Variants in OPRD1 observed in about 807,000 individuals in gnomAD.
OPRD1 encodes delta-type opioid receptor.
In OPRD1, 19 loss-of-function variants were observed where a neutral mutation model predicts 17.5. The ratio of observed to expected loss-of-function variants is 1.09; its 90% CI spans 0.76 to 1.60. OPRD1 has a LOEUF of 1.60. Ranked by LOEUF, OPRD1 falls within the 40% of genes most tolerant of loss-of-function variation. The probability of loss-of-function intolerance (pLI) is 0.00; values close to 1 mark genes in which losing one functional copy is unlikely to be tolerated. For missense variants in OPRD1, 483 were observed against 547.2 expected (o/e 0.88, Z 1.17); for synonymous variants, 256 against 240.9 (o/e 1.06, Z -0.58).
chr1:28,833,528 G>A (rs757277351), intron 1 of OPRD1, among the ~76,000 whole-genome samples: 1 of 152,198 alleles, frequency 6.6e-6, no homozygotes, highest in Non-Finnish European at 1.5e-5. Flanking sequence ...CCTTTGAACT[G>A]ATTGGAAAAG....
rs1213310282 is a variant in OPRD1 at position 28,852,202 on chromosome 1, AAAG to A, written c.228-6749_228-6747del. On this transcript the variant is annotated intron_variant, in intron 1 of 2. Coordinates refer to ENST00000234961, the MANE Select transcript of OPRD1 (RefSeq NM_000911.4). ...AAAAAAAAAAGAAAAGAAAGAAAGA[AAAG>A]AAAGTGGGGAGGAAAGGTCCAGGAC... Among the ~76,000 whole-genome samples, 503 of 151,710 alleles carry A rather than the reference AAAG, an allele frequency of 3.3e-3. 8 individuals carry two copies. The highest frequency in any genetic ancestry group is 0.012 in the African/African-American group (481 of 41,408).
intron 1 of OPRD1, among the ~76,000 whole-genome samples, chr1:28,818,919 A>G (rs2088690921): frequency 6.6e-6 from 1 of 151,792 alleles, no homozygotes; most frequent in African/African-American, 2.4e-5. Flanking sequence ...TCCCATGGTA[A>G]GGTTGGCGTG....
In OPRD1 at chr1:28,865,129, A is replaced by G. The variant is rs2089165426; in HGVS notation, c.*1846A>G. On this transcript the variant is annotated 3_prime_UTR_variant, in exon 3 of 3. Transcript: ENST00000234961. Reference sequence around the variant, plus strand: ...CGGCATTTTATTCAGGCACTCCTGGATCTTTGCTTCCCAGAATATCAGTGT... The same window carrying G: ...CGGCATTTTATTCAGGCACTCCTGGGTCTTTGCTTCCCAGAATATCAGTGT... 6.6e-6 allele frequency: 1 copy of G among 151,926 alleles called. No individual in the cohort carries two copies. The highest frequency in any genetic ancestry group is 1.5e-5 in the Non-Finnish European group (1 of 68,036). The allele number at this position is 151,926 out of a possible 1,614,324, so 9.4% of individuals were successfully genotyped here.
At chr1:28,833,374 C>A (rs1569620663) in intron 1 of OPRD1, among the ~76,000 whole-genome samples, 1 of 152,292 alleles carries the variant, frequency 6.6e-6, no homozygotes, top group African/African-American at 2.4e-5. Context: ...AGAGAAAAAG[C>A]ACCAGTAGGA....
chr1:28,823,600 T>C (rs941705119), intron 1 of OPRD1, among the ~76,000 whole-genome samples: 5 of 152,004 alleles, frequency 3.3e-5, no homozygotes, highest in African/African-American at 1.2e-4. Context: ...TTCACCATGT[T>C]GGCCGGGCTG....
intron 1 of OPRD1, among the ~76,000 whole-genome samples, chr1:28,833,938 C>T (rs1013299652): frequency 5.3e-5 from 8 of 152,130 alleles, no homozygotes; most frequent in Admixed American, 3.3e-4. Context: ...AACCAGTGTT[C>T]TGTTTTTTTG....
intron 1 of OPRD1, among the ~76,000 whole-genome samples, chr1:28,856,596 C>T (rs541452802): frequency 2.0e-5 from 3 of 152,272 alleles, no homozygotes; most frequent in Non-Finnish European, 2.9e-5. Context: ...TCGGGGTGCC[C>T]GTGTGTTGCT....
chr1:28,858,876 G>A (rs1288030361), intron 1 of OPRD1, 78 bp from the exon 2 acceptor site: 2 of 1,384,572 alleles, frequency 1.4e-6, no homozygotes, highest in Non-Finnish European at 2.0e-6. Context: ...CCTTAGGAAA[G>A]CTACTTCCCT....
intron 1 of OPRD1, among the ~76,000 whole-genome samples, chr1:28,826,701 G>T (rs1250325209): frequency 1.3e-5 from 2 of 152,226 alleles, no homozygotes; most frequent in South Asian, 2.1e-4. Context: ...CCTCAATATT[G>T]ATGGCTGCTG....
rs1188990244 is a variant in OPRD1, at chr1:28,812,481, A to G, written c.98A>G (p.Asn33Ser). 4 of 1,546,310 alleles carry G rather than the reference A, an allele frequency of 2.6e-6. No homozygotes were observed. The highest frequency in any genetic ancestry group is 2.8e-5 in the African/African-American group (2 of 71,054). The part of the protein sequence containing the change: ...YPSACPSAGA[N>S]ASGPPGARSA... ...AGCGCCTGCCCCAGCGCTGGCGCCA[A>G]TGCGTCGGGGCCGCCAGGCGCGCGG... is the stretch of plus-strand genomic sequence containing the variant. The change falls in exon 1 of 3, where the codon AAT (asparagine) becomes AGT (serine). Residue 33 changes from asparagine (N) to serine (S), a missense_variant. By Grantham distance (46) the Asn-to-Ser change is conservative. Coordinates refer to ENST00000234961, the MANE Select transcript of OPRD1 (RefSeq NM_000911.4).
intron 1 of OPRD1, among the ~76,000 whole-genome samples, chr1:28,848,244 TA>T (rs11350728): frequency 0.48 from 71,412 of 148,464 alleles, 18,391 homozygotes; most frequent in East Asian, 0.87. Context: ...AGACTCCGTC[TA>T]AAAAAAAAAA....
At chr1:28,850,092 G>A (rs1305910992) in intron 1 of OPRD1, among the ~76,000 whole-genome samples, 2 of 152,046 alleles carry the variant, frequency 1.3e-5, no homozygotes, top group African/African-American at 4.8e-5. Context: ...GTGTTAGTCA[G>A]GATGGTCTCA....
intron 1 of OPRD1, among the ~76,000 whole-genome samples, chr1:28,844,887 G>A (rs1205166533): frequency 6.6e-6 from 1 of 151,964 alleles, no homozygotes; most frequent in Non-Finnish European, 1.5e-5. Context: ...TGGGATTACA[G>A]GTGTGCACTA....
At chr1:28,816,910 T>C (rs2088675543) in intron 1 of OPRD1, among the ~76,000 whole-genome samples, 1 of 152,118 alleles carries the variant, frequency 6.6e-6, no homozygotes, top group African/African-American at 2.4e-5. Context: ...TCCTCCCGCC[T>C]GGCCCAGATC....
chr1:28,813,638 G>A (rs1245126857), intron 1 of OPRD1, among the ~76,000 whole-genome samples: 1 of 152,188 alleles, frequency 6.6e-6, no homozygotes, highest in Non-Finnish European at 1.5e-5. Flanking sequence ...GCCAGTAAGG[G>A]TTGAGAGGAA....
At chr1:28,843,565 G>A (rs1454571533) in intron 1 of OPRD1, among the ~76,000 whole-genome samples, 1 of 152,168 alleles carries the variant, frequency 6.6e-6, no homozygotes, top group East Asian at 1.9e-4. Flanking sequence ...ATTTTATTTA[G>A]CACGATATCC....
At chr1:28,817,911 G>A (rs922089793) in intron 1 of OPRD1, among the ~76,000 whole-genome samples, 2 of 145,442 alleles carry the variant, frequency 1.4e-5, no homozygotes, top group Non-Finnish European at 3.0e-5. Context: ...GCGGGGGGGG[G>A]GTTTCACCAT....
intron 1 of OPRD1, among the ~76,000 whole-genome samples, chr1:28,825,912 T>A (rs1422009284): frequency 1.3e-5 from 2 of 152,348 alleles, no homozygotes; most frequent in East Asian, 3.9e-4. Context: ...ATAGAAAAAC[T>A]CTACATCATT....
intron 1 of OPRD1, among the ~76,000 whole-genome samples, chr1:28,828,906 C>T (rs892210370): frequency 2.2e-4 from 34 of 151,474 alleles, no homozygotes; most frequent in African/African-American, 8.0e-4. Flanking sequence ...AGGAGAATCG[C>T]TTGAACCCAG....
Sources: allele counts gnomAD v4.1 joint callset (sites outside exome capture counted in the v4.1 genomes callset), GRCh38; gene constraint gnomAD v4.1.1; transcripts MANE v1.5; gene names NCBI Gene and HGNC (gene_info 2026-07-23, HGNC 2026-07-21).